The following PLAC1 variants were observed in gnomAD, a reference collection of about 807,000 sequenced individuals.
PLAC1 encodes the protein placenta-specific protein 1.
For missense variants in PLAC1, 136 were observed against 163.2 expected (o/e 0.83, Z 0.91); for synonymous variants, 68 against 62.1 (o/e 1.09, Z -0.44).
chrX:134,712,345 C>T (rs1193289816), intron 2 of PLAC1, among the ~76,000 whole-genome samples: 5 of 110,967 alleles, frequency 4.5e-5, no homozygotes, highest in South Asian at 7.7e-4. Context: ...GACTCATGAC[C>T]GAGAATTTCT....
At chrX:134,752,159 A>T in intron 1 of PLAC1, among the ~76,000 whole-genome samples, 1 of 112,228 alleles carries the variant, frequency 8.9e-6, no homozygotes, top group East Asian at 2.8e-4. Flanking sequence ...TGTCCATATA[A>T]CAATTCTGCT....
intron 2 of PLAC1, among the ~76,000 whole-genome samples, chrX:134,585,556 G>C (rs182925894): frequency 2.7e-5 from 3 of 110,510 alleles, no homozygotes; most frequent in Non-Finnish European, 5.7e-5. Flanking sequence ...AAAAAAAATA[G>C]TGAAGACCAC....
At chrX:134,631,405 C>T (rs965016182) in intron 1 of PLAC1, among the ~76,000 whole-genome samples, 1 of 112,091 alleles carries the variant, frequency 8.9e-6, no homozygotes, top group Non-Finnish European at 1.9e-5. Context: ...CCAAGCTGAC[C>T]AGCCCTGGTG....
At chrX:134,752,645 C>T (rs1460246755) in intron 1 of PLAC1, among the ~76,000 whole-genome samples, 1 of 110,951 alleles carries the variant, frequency 9.0e-6, no homozygotes, top group African/African-American at 3.3e-5. Flanking sequence ...GTAATGCAGA[C>T]AACACAGTGC....
intron 1 of PLAC1, among the ~76,000 whole-genome samples, chrX:134,613,674 G>C (rs868012739): frequency 9.0e-6 from 1 of 111,306 alleles, no homozygotes; most frequent in Admixed American, 9.6e-5. Context: ...GCTCCTTACA[G>C]AGAGAAAGGT....
chrX:134,592,430 G>A lies in PLAC1; in HGVS notation c.-59+9621C>T, dbSNP rs73566605. Among the ~76,000 whole-genome samples the A allele has an allele frequency of 3.6e-3, 401 of 111,462 alleles. 1 individual carries two copies. Among genetic ancestry groups the A allele is most frequent in the African/African-American group, 0.012 (380 of 30,654 alleles). ...TGCTGTGAGGGTATTTTGTTTTTTA[G>A]AGGAGATTAACATGTAAATCAGTAG... is the stretch of plus-strand genomic sequence containing the variant. On this transcript the variant is annotated intron_variant, in intron 2 of 2. Transcript: ENST00000359237.
chrX:134,580,273 A>G (rs2077967902), intron 2 of PLAC1, among the ~76,000 whole-genome samples: 1 of 112,359 alleles, frequency 8.9e-6, no homozygotes, highest in Admixed American at 9.5e-5. Flanking sequence ...ATTCCCGCAG[A>G]AAGAAGAAAG....
intron 2 of PLAC1, among the ~76,000 whole-genome samples, chrX:134,732,540 T>G (rs904418216): frequency 9.0e-6 from 1 of 110,614 alleles, no homozygotes; most frequent in East Asian, 2.8e-4. Flanking sequence ...ACCCCATTTT[T>G]TAACAGGATC....
rs73566675 is a variant in PLAC1 at position 134,676,420 on chromosome X, G to A, written n.174+57015C>T. ...TCCATCCTCAACTAGGCCAGCAGCA[G>A]CAGGCTTCGTCGCCCGTGGCTTTGC... On this transcript the variant is annotated intron_variant and non_coding_transcript_variant, in intron 2 of 2. Coordinates refer to the PLAC1 transcript ENST00000466797. Among the ~76,000 whole-genome samples, 961 of 112,041 alleles carry A rather than the reference G, an allele frequency of 8.6e-3. 16 individuals are homozygous for A. Among genetic ancestry groups the A allele is most frequent in the African/African-American group, 0.029 (898 of 30,816 alleles).
chrX:134,762,844 A>AG (rs2078773659), intron 1 of PLAC1, among the ~76,000 whole-genome samples: 1 of 104,869 alleles, frequency 9.5e-6, no homozygotes, highest in Non-Finnish European at 1.9e-5. Flanking sequence ...AAAAAAAAAA[A>AG]AAAAGAAAAG....
chrX:134,680,311 C>T (rs2078490237), intron 2 of PLAC1, among the ~76,000 whole-genome samples: 1 of 111,232 alleles, frequency 9.0e-6, no homozygotes, highest in African/African-American at 3.3e-5. Flanking sequence ...GTCATGCAGC[C>T]AGCGCATGAC....
At chrX:134,592,875 G>A (rs1470446275) in intron 2 of PLAC1, among the ~76,000 whole-genome samples, 4 of 108,914 alleles carry the variant, frequency 3.7e-5, no homozygotes, top group Non-Finnish European at 7.6e-5. Context: ...ACAGGTGCCC[G>A]CCACCACGCC....
At chrX:134,597,600 A>G (rs2078068047) in intron 2 of PLAC1, among the ~76,000 whole-genome samples, 2 of 111,617 alleles carry the variant, frequency 1.8e-5, no homozygotes, top group Admixed American at 1.9e-4. Context: ...TCTTATTTAA[A>G]CCTTAGGTTT....
intron 2 of PLAC1, among the ~76,000 whole-genome samples, chrX:134,723,641 T>C (rs1338541732): frequency 9.0e-6 from 1 of 111,358 alleles, no homozygotes; most frequent in African/African-American, 3.3e-5. Flanking sequence ...GATAAAATTA[T>C]CTGAGGAAAG....
rs774929287 is a variant in PLAC1 at position 134,590,130 on chromosome X, A to G, written c.-59+11921T>C. Among the ~76,000 whole-genome samples the G allele has an allele frequency of 3.5e-3, 388 of 109,982 alleles. 1 individual carries two copies. The highest frequency in any genetic ancestry group is 0.011 in the African/African-American group (342 of 30,242). On this transcript the variant is annotated intron_variant, in intron 2 of 2. Coordinates refer to ENST00000359237, the MANE Select transcript of PLAC1 (RefSeq NM_021796.4). ...GAATTGCTTCAACCTGGGAGGCAGA[A>G]GTTGCAATGAGCCAAGATCACGCCA...
At chrX:134,732,552 CA>C (rs111990797) in intron 2 of PLAC1, among the ~76,000 whole-genome samples, 3,258 of 111,285 alleles carry the variant, frequency 0.029, 132 homozygotes, top group African/African-American at 0.1. Context: ...AACAGGATCT[CA>C]AAAAAACCCC....
rs968147216 is a variant in PLAC1, at chrX:134,707,314, T to A, written n.174+26121A>T. ...TTATCACTTGCAAACTAACATTTTT[T>A]AAAATTATACTTTAAGTTCTAGGGT... On this transcript the variant is annotated intron_variant and non_coding_transcript_variant, in intron 2 of 2. Coordinates refer to the PLAC1 transcript ENST00000466797. 4.4e-5 allele frequency among the ~76,000 whole-genome samples: 5 copies of A among 112,832 alleles called. No homozygotes were observed. In the South Asian group the frequency reaches 1.8e-3, roughly 41 times the overall value.
intron 2 of PLAC1, among the ~76,000 whole-genome samples, chrX:134,695,122 G>A (rs962963839): frequency 5.4e-5 from 6 of 111,782 alleles, no homozygotes; most frequent in African/African-American, 2.0e-4. Flanking sequence ...GTCAGGCCCA[G>A]GAAAAGTAGA....
chrX:134,616,505 G>A (rs758072412), intron 1 of PLAC1, among the ~76,000 whole-genome samples: 13 of 109,645 alleles, frequency 1.2e-4, no homozygotes, highest in South Asian at 8.1e-4. Flanking sequence ...GCATGGTGGC[G>A]GGCGCCTGTA....
Sources: gnomAD v4.1 joint callset for allele counts (sites outside exome capture counted in the v4.1 genomes callset) on GRCh38, gnomAD v4.1.1 for gene constraint, MANE v1.5 for transcripts, NCBI Gene and HGNC (gene_info 2026-07-23, HGNC 2026-07-21) for gene names.